The following FBXO42 variants were observed in gnomAD, a reference collection of about 807,000 sequenced individuals.
FBXO42 encodes F-box protein 42.
Under a neutral mutation model 71.7 loss-of-function variants are expected in FBXO42, and 12 were observed. The ratio of observed to expected loss-of-function variants is 0.17; its 90% CI spans 0.11 to 0.27. FBXO42 has a LOEUF of 0.27. Ranked by LOEUF, FBXO42 falls within the 10% of genes least tolerant of loss-of-function variation. The pLI is 1.00. For missense variants in FBXO42, 707 were observed against 911.9 expected, an observed-to-expected ratio of 0.78 and a Z score of 2.89; for synonymous variants, 325 against 327.5, an observed-to-expected ratio of 0.99 and a Z score of 0.08.
intron 2 of FBXO42, among the ~76,000 whole-genome samples, chr1:16,309,811 G>A (rs1167748882): frequency 2.0e-5 from 3 of 151,828 alleles, no homozygotes; most frequent in Non-Finnish European, 2.9e-5. Context: ...TTGGGAGGCC[G>A]AGGTGGGTGA....
At chr1:16,263,814 T>C (rs2081742624) in intron 4 of FBXO42, among the ~76,000 whole-genome samples, 2 of 142,328 alleles carry the variant, frequency 1.4e-5, no homozygotes, top group Admixed American at 6.8e-5. Flanking sequence ...TAACTTTTTT[T>C]TTTTTTTTTT....
chr1:16,264,541 T>C (rs910011981), intron 4 of FBXO42, among the ~76,000 whole-genome samples: 2 of 152,210 alleles, frequency 1.3e-5, no homozygotes, highest in Non-Finnish European at 2.9e-5. Flanking sequence ...TGAGTTCCCA[T>C]CAAGCACGAC....
chr1:16,311,509 T>A (rs1450857788), intron 2 of FBXO42, among the ~76,000 whole-genome samples: 57 of 109,614 alleles, frequency 5.2e-4, no homozygotes, highest in African/African-American at 1.9e-3. Context: ...AAAAAATATA[T>A]ATATATATAT....
Position 16,248,794 on chromosome 1 carries a change from T to C in FBXO42, c.*1876A>G, listed in dbSNP as rs2081560991. On this transcript the variant is annotated 3_prime_UTR_variant, in exon 10 of 10. Transcript: ENST00000375592. The stretch of plus-strand genomic sequence containing the variant: ...TCCAAGCAGTTGGATGCCACATAAG[T>C]AGACACATGTTGTTTCCTCATTGAA... 1 of 152,216 alleles carries C rather than the reference T, an allele frequency of 6.6e-6. No homozygotes were observed. The highest frequency in any genetic ancestry group is 2.4e-5 in the African/African-American group (1 of 41,446). The allele number at this position is 152,216 out of a possible 1,614,324, so 9.4% of individuals were successfully genotyped here. A position where few individuals can be genotyped will look rare whatever the true frequency, so the allele number is the denominator to read the frequency against.
At chr1:16,346,401 T>G (rs6603854) in intron 1 of FBXO42, among the ~76,000 whole-genome samples, 52,775 of 152,112 alleles carry the variant, frequency 0.35, 10,783 homozygotes, top group East Asian at 0.67. Context: ...TACTAGAAAA[T>G]AAGAGAGCGA....
rs1366418135 is a variant in FBXO42 at position 16,247,723 on chromosome 1, A to C, written c.*2947T>G. ...AAATTTAAGCTTGTTTCAACACCAAATTTGTGCTCCCAAAGTGTAGGGTAG... is the reference window on the plus strand; with the variant it reads ...AAATTTAAGCTTGTTTCAACACCAACTTTGTGCTCCCAAAGTGTAGGGTAG... On this transcript the variant is annotated 3_prime_UTR_variant, in exon 10 of 10. Transcript: ENST00000375592. The C allele has an allele frequency of 1.3e-5, 2 of 152,202 alleles. No homozygotes were observed. The highest frequency in any genetic ancestry group is 2.9e-5 in the Non-Finnish European group (2 of 68,034). The allele number at this position is 152,202 out of a possible 1,614,324, so 9.4% of individuals were successfully genotyped here.
intron 4 of FBXO42, among the ~76,000 whole-genome samples, chr1:16,290,128 T>C (rs1280166363): frequency 6.6e-6 from 1 of 152,196 alleles, no homozygotes; most frequent in Non-Finnish European, 1.5e-5. Flanking sequence ...GTGTAAGATC[T>C]GTCATCCCAA....
At chr1:16,329,311 C>A (rs1263881631) in intron 1 of FBXO42, among the ~76,000 whole-genome samples, 1 of 151,994 alleles carries the variant, frequency 6.6e-6, no homozygotes, top group Non-Finnish European at 1.5e-5. Flanking sequence ...AGGCCAGGTG[C>A]TGTGGTTCAT....
At chr1:16,279,080 C>T (rs545650610) in intron 4 of FBXO42, among the ~76,000 whole-genome samples, 3 of 152,092 alleles carry the variant, frequency 2.0e-5, no homozygotes, top group African/African-American at 7.2e-5. Flanking sequence ...CCAGCCTAGA[C>T]GGTTATTTCT....
rs12077364 is a variant in FBXO42 at position 16,322,125 on chromosome 1, T to C, written c.-17-6690A>G. Among the ~76,000 whole-genome samples, 901 of 152,292 alleles carry C rather than the reference T, an allele frequency of 5.9e-3. 7 individuals are homozygous for C. The highest frequency in any genetic ancestry group is 0.021 in the African/African-American group (865 of 41,562). On this transcript the variant is annotated intron_variant, in intron 1 of 9. Transcript: ENST00000375592. ...GAAAATGGTAGATCCTACCTTTATA[T>C]GTTACTAGATGTTGTCAAAATATTT...
intron 4 of FBXO42, among the ~76,000 whole-genome samples, chr1:16,274,672 A>G (rs2081881126): frequency 7.1e-6 from 1 of 140,026 alleles, no homozygotes; most frequent in Admixed American, 7.9e-5. Flanking sequence ...GCTCACTGCA[A>G]CCTCCGCCTC....
At chr1:16,325,999 C>T (rs1258174760) in intron 1 of FBXO42, among the ~76,000 whole-genome samples, 1 of 115,818 alleles carries the variant, frequency 8.6e-6, no homozygotes, top group East Asian at 2.6e-4. Flanking sequence ...TAAAATGGAA[C>T]TTCAGTGCCC....
In FBXO42 at chr1:16,251,822, G is replaced by T. The variant is rs1008087918; in HGVS notation, c.1039-37C>A. The T allele has an allele frequency of 1.9e-6, 3 of 1,568,184 alleles. No individual in the cohort carries two copies. The highest frequency in any genetic ancestry group is 1.9e-5 in the Admixed American group (1 of 53,074). ...AGGACCAGTGCTCACACTCTTCTAT[G>T]ATTCTGATTGTTCATTCAACTGTCA... On this transcript the variant is annotated intron_variant, in intron 9 of 9. Transcript: ENST00000375592. This position sits in a 1 kb window ranked among gnomAD's most constrained non-coding sequence, Gnocchi z 4.5.
intron 1 of FBXO42, among the ~76,000 whole-genome samples, chr1:16,332,052 A>G (rs1167251762): frequency 2.0e-5 from 3 of 149,658 alleles, no homozygotes; most frequent in Non-Finnish European, 4.5e-5. Context: ...TCCATCTCCA[A>G]AAAAAAAAAG....
chr1:16,343,952 C>CAA (rs200166365), intron 1 of FBXO42, among the ~76,000 whole-genome samples: 1,099 of 87,734 alleles, frequency 0.013, 12 homozygotes, highest in African/African-American at 0.039. Flanking sequence ...TTTAGCATGG[C>CAA]AAAAAAAAAA....
intron 7 of FBXO42, 186 bp downstream of exon 7, chr1:16,253,449 T>C (rs2081611298): frequency 1.6e-6 from 1 of 609,726 alleles, no homozygotes; most frequent in Admixed American, 3.2e-5. Flanking sequence ...GGGAGGAGCA[T>C]AATATAAAAC....
At chr1:16,330,439 G>A (rs2082489629) in intron 1 of FBXO42, among the ~76,000 whole-genome samples, 2 of 151,850 alleles carry the variant, frequency 1.3e-5, no homozygotes, top group South Asian at 4.2e-4. Context: ...CCCAAGAGGT[G>A]GAGGCTGCAG....
intron 3 of FBXO42, among the ~76,000 whole-genome samples, chr1:16,295,640 G>A (rs1395200251): frequency 2.6e-5 from 4 of 152,054 alleles, no homozygotes; most frequent in Non-Finnish European, 5.9e-5. Flanking sequence ...TGATCCACCC[G>A]CCTCGGCCTC....
chr1:16,281,228 C>T (rs1041129752), intron 4 of FBXO42, among the ~76,000 whole-genome samples: 3 of 152,208 alleles, frequency 2.0e-5, no homozygotes, highest in Non-Finnish European at 2.9e-5. Context: ...TCCCAAAGTG[C>T]TGGGATTACA....
Sources: allele counts gnomAD v4.1 joint callset (sites outside exome capture counted in the v4.1 genomes callset), GRCh38; gene constraint gnomAD v4.1.1; non-coding constraint Gnocchi (gnomAD v3.1); transcripts MANE v1.5; gene names NCBI Gene and HGNC (gene_info 2026-07-23, HGNC 2026-07-21).